The following NEDD4 variants were observed in gnomAD, a reference collection of about 807,000 sequenced individuals.
NEDD4 encodes the protein E3 ubiquitin-protein ligase NEDD4.
In NEDD4, 99 loss-of-function variants were observed where a neutral mutation model predicts 144.9. The ratio of observed to expected loss-of-function variants is 0.68; its 90% CI spans 0.58 to 0.81. The LOEUF is 0.81. Ranked by LOEUF, NEDD4 falls within the 30% of genes least tolerant of loss-of-function variation. NEDD4 has a pLI of 0.00. For synonymous variants in NEDD4, 318 were observed against 350.6 expected (o/e 0.91, Z 1.04); for missense variants, 985 against 1,065.9 (o/e 0.92, Z 1.06).
intron 20 of NEDD4, 38 bp from the exon 21 acceptor site, chr15:55,840,555 GTGAAA>G: frequency 6.2e-7 from 1 of 1,613,338 alleles, no homozygotes; most frequent in South Asian, 1.1e-5. Flanking sequence ...TGATTACCAA[GTGAAA>G]GAAAACAGGT....
chr15:55,940,727 C>T (rs950152449), intron 4 of NEDD4, among the ~76,000 whole-genome samples: 6 of 151,626 alleles, frequency 4.0e-5, no homozygotes, highest in Non-Finnish European at 8.8e-5. Flanking sequence ...AGATGGGGTC[C>T]CACTATTTTG....
chr15:55,838,099 A>C lies in NEDD4; in HGVS notation c.2201+8T>G, dbSNP rs1566899201. The stretch of plus-strand genomic sequence containing the variant: ...ATCCAATAAAATACATACTAATAAA[A>C]TACTTACTAAATATATTCCTTTTTG... On this transcript the variant is annotated splice_region_variant and intron_variant, in intron 23 of 28. Transcript: ENST00000435532. 6.9e-7 allele frequency: 1 copy of C among 1,456,752 alleles called. No individual in the cohort carries two copies. Among genetic ancestry groups the C allele is most frequent in the Admixed American group, 1.9e-5 (1 of 53,148 alleles). The allele number at this position is 1,456,752 out of a possible 1,614,324, so 90.2% of individuals were successfully genotyped here.
chr15:55,916,226 CA>C, intron 5 of NEDD4: 2 of 1,613,914 alleles, frequency 1.2e-6, no homozygotes, highest in East Asian at 4.5e-5. Flanking sequence ...AGTTTCCACC[CA>C]AAAAAGTATC....
chr15:55,856,292 A>C, intron 11 of NEDD4, 96 bp from the exon 12 acceptor site: 1 of 1,046,378 alleles, frequency 9.6e-7, no homozygotes, highest in Non-Finnish European at 1.4e-6. Flanking sequence ...GACAGGGCAG[A>C]AGAGAGAAGG....
intron 26 of NEDD4, among the ~76,000 whole-genome samples, chr15:55,833,738 T>TAG (rs1311920865): frequency 6.6e-6 from 1 of 151,950 alleles, no homozygotes. Context: ...CACCCAGGAG[T>TAG]CCCTAGGAAT....
chr15:55,842,337 T>C (rs934751508), intron 18 of NEDD4, among the ~76,000 whole-genome samples, 174 bp from the exon 19 acceptor site: 1 of 152,230 alleles, frequency 6.6e-6, no homozygotes, highest in Non-Finnish European at 1.5e-5. Context: ...CTCTATGGTA[T>C]GAGACAGTTT....
At chr15:55,879,574 T>G (rs754001446) in intron 5 of NEDD4, among the ~76,000 whole-genome samples, 1 of 152,058 alleles carries the variant, frequency 6.6e-6, no homozygotes, top group Non-Finnish European at 1.5e-5. Context: ...GTTTATAACA[T>G]GAAACACACA....
At chr15:55,948,380 A>C (rs1007876255) in intron 4 of NEDD4, among the ~76,000 whole-genome samples, 2 of 152,246 alleles carry the variant, frequency 1.3e-5, no homozygotes. Context: ...CATACTGCCC[A>C]AGATAATTTA....
intron 1 of NEDD4, among the ~76,000 whole-genome samples, chr15:55,988,932 G>A (rs978452994): frequency 5.9e-5 from 9 of 152,112 alleles, no homozygotes; most frequent in African/African-American, 1.9e-4. Context: ...CTTTTCTGAT[G>A]GTTTAAAATA....
chr15:55,830,009 C>A lies in NEDD4; in HGVS notation c.2601-10G>T. On this transcript the variant is annotated splice_polypyrimidine_tract_variant and intron_variant, in intron 28 of 28. Transcript: ENST00000435532. ...GTCCAGGCGATTAAAACTGAAAGAA[C>A]AGAGAGGAAGTGGTTATGAAAGACA... 6.2e-7 allele frequency: 1 copy of A among 1,600,320 alleles called. No individual in the cohort carries two copies. Among genetic ancestry groups the A allele is most frequent in the African/African-American group, 1.3e-5 (1 of 74,746 alleles).
At chr15:55,863,673 A>G (rs1311673129) in intron 8 of NEDD4, among the ~76,000 whole-genome samples, 2 of 152,216 alleles carry the variant, frequency 1.3e-5, no homozygotes, top group East Asian at 1.9e-4. Flanking sequence ...TGAGAAGTAT[A>G]GTTTAAACTA....
intron 1 of NEDD4, among the ~76,000 whole-genome samples, chr15:55,974,570 C>T (rs923471679): frequency 6.6e-6 from 1 of 152,024 alleles, no homozygotes; most frequent in African/African-American, 2.4e-5. Flanking sequence ...AATCATTCAT[C>T]GTGACCAAGT....
At chr15:55,902,737 A>G (rs2035949735) in intron 5 of NEDD4, among the ~76,000 whole-genome samples, 1 of 152,228 alleles carries the variant, frequency 6.6e-6, no homozygotes, top group African/African-American at 2.4e-5. Context: ...ATTCATAAAC[A>G]ATGTTATAGG....
intron 1 of NEDD4, among the ~76,000 whole-genome samples, chr15:55,975,644 A>C (rs1278125349): frequency 1.3e-5 from 2 of 152,102 alleles, no homozygotes; most frequent in African/African-American, 4.8e-5. Flanking sequence ...AAAAAACAAA[A>C]GGGAAAAATA....
intron 2 of NEDD4, among the ~76,000 whole-genome samples, chr15:55,961,901 G>A (rs1015179740): frequency 2.0e-5 from 3 of 152,042 alleles, no homozygotes; most frequent in African/African-American, 7.2e-5. Context: ...TGTTCTTTAG[G>A]TCAAAGTTAT....
intron 12 of NEDD4, among the ~76,000 whole-genome samples, chr15:55,855,311 A>T (rs532203101): frequency 1.3e-5 from 2 of 152,262 alleles, no homozygotes; most frequent in South Asian, 4.1e-4. Flanking sequence ...TGGGGAAGAA[A>T]ATGAGAAAGC....
At chr15:55,966,716 T>C (rs1283332162) in intron 1 of NEDD4, among the ~76,000 whole-genome samples, 170 bp from the exon 2 acceptor site, 1 of 152,158 alleles carries the variant, frequency 6.6e-6, no homozygotes, top group Non-Finnish European at 1.5e-5. Context: ...AGAAAATTAT[T>C]TGTAGATGAC....
chr15:55,862,654 A>G (rs1266203469), intron 9 of NEDD4, among the ~76,000 whole-genome samples: 1 of 152,194 alleles, frequency 6.6e-6, no homozygotes, highest in East Asian at 1.9e-4. Flanking sequence ...GTGGCTACAT[A>G]AAATTAAAAA....
intron 1 of NEDD4, among the ~76,000 whole-genome samples, chr15:55,977,872 G>A (rs1423267741): frequency 1.3e-5 from 2 of 152,042 alleles, no homozygotes; most frequent in Admixed American, 6.5e-5. Context: ...GCCATACTAC[G>A]TTACACAGGT....
Sources: gnomAD v4.1 joint callset for allele counts (sites outside exome capture counted in the v4.1 genomes callset) on GRCh38, gnomAD v4.1.1 for gene constraint, MANE v1.5 for transcripts, NCBI Gene and HGNC (gene_info 2026-07-23, HGNC 2026-07-21) for gene names.